Variants in TFPI observed in about 807,000 individuals in gnomAD.
TFPI encodes the protein tissue factor pathway inhibitor.
Under a neutral mutation model 34.6 loss-of-function variants are expected in TFPI, and 15 were observed. The ratio of observed to expected loss-of-function variants is 0.43; its 90% CI spans 0.29 to 0.67. The LOEUF (loss-of-function observed/expected upper bound fraction) is 0.67. TFPI is among the 30% of genes least tolerant of loss of function. The pLI is 0.15. For synonymous variants in TFPI, 105 were observed against 120.1 expected, an observed-to-expected ratio of 0.87 and a Z score of 0.82; for missense variants, 301 against 364.0, an observed-to-expected ratio of 0.83 and a Z score of 1.41.
chr2:187,506,306 T>C (rs551093910), intron 1 of TFPI, among the ~76,000 whole-genome samples: 3 of 152,190 alleles, frequency 2.0e-5, no homozygotes, highest in South Asian at 4.1e-4. Context: ...AATAGAAACA[T>C]CTTCTTTTAA....
intron 1 of TFPI, among the ~76,000 whole-genome samples, chr2:187,550,751 G>A (rs1689067082): frequency 6.6e-6 from 1 of 152,076 alleles, no homozygotes; most frequent in South Asian, 2.1e-4. Flanking sequence ...CATTTTCTGA[G>A]ATGAAAATTA....
intron 6 of TFPI, among the ~76,000 whole-genome samples, chr2:187,479,048 A>G (rs1356864184): frequency 6.6e-6 from 1 of 152,158 alleles, no homozygotes; most frequent in Non-Finnish European, 1.5e-5. Flanking sequence ...TGGTAGTGAA[A>G]AGGCAGATTG....
chr2:187,476,909 G>A (rs1167064318), intron 6 of TFPI, among the ~76,000 whole-genome samples: 1 of 151,870 alleles, frequency 6.6e-6, no homozygotes, highest in African/African-American at 2.4e-5. Flanking sequence ...ACAATTTTTG[G>A]TTTATAGTTG....
intron 2 of TFPI, among the ~76,000 whole-genome samples, chr2:187,499,823 C>T (rs192090553): frequency 2.5e-4 from 38 of 152,082 alleles, no homozygotes; most frequent in African/African-American, 9.2e-4. Flanking sequence ...GTTATTCATT[C>T]CCAAGTTAAC....
At chr2:187,490,946 C>G (rs1685084482) in intron 3 of TFPI, among the ~76,000 whole-genome samples, 1 of 151,610 alleles carries the variant, frequency 6.6e-6, no homozygotes, top group African/African-American at 2.4e-5. Flanking sequence ...CCATTACAGT[C>G]TAGTGCCAAG....
chr2:187,502,780 C>G (rs932316134), intron 2 of TFPI, among the ~76,000 whole-genome samples: 4 of 152,134 alleles, frequency 2.6e-5, no homozygotes, highest in African/African-American at 9.7e-5. Flanking sequence ...CTCAGCCATA[C>G]CTGTTTCTCT....
chr2:187,472,244 T>C (rs1220723154), intron 6 of TFPI, among the ~76,000 whole-genome samples: 1 of 152,168 alleles, frequency 6.6e-6, no homozygotes. Context: ...CTCTTTTTAA[T>C]GTAGGTACAG....
intron 1 of TFPI, among the ~76,000 whole-genome samples, chr2:187,539,382 G>A (rs1688448664): frequency 6.6e-6 from 1 of 152,138 alleles, no homozygotes; most frequent in South Asian, 2.1e-4. Flanking sequence ...GTGAAAAAAT[G>A]AGATGGATAG....
chr2:187,488,638 A>T (rs891668321), intron 3 of TFPI, among the ~76,000 whole-genome samples: 2 of 151,474 alleles, frequency 1.3e-5, no homozygotes, highest in African/African-American at 4.8e-5. Context: ...CAAAGCTGAG[A>T]ATTCATAGTG....
chr2:187,516,659 G>A (rs1687023498), intron 1 of TFPI: 1 of 152,118 alleles, frequency 6.6e-6, no homozygotes, highest in African/African-American at 2.4e-5. Flanking sequence ...GCCCATTTCT[G>A]CCTCCAAAGA....
intron 1 of TFPI, among the ~76,000 whole-genome samples, chr2:187,521,578 C>T (rs1687374494): frequency 6.6e-6 from 1 of 151,808 alleles, no homozygotes; most frequent in Non-Finnish European, 1.5e-5. Context: ...ATTTCAATTT[C>T]TTTTTTTTGA....
intron 1 of TFPI, among the ~76,000 whole-genome samples, chr2:187,522,923 T>TAAAG (rs1687482784): frequency 6.8e-6 from 1 of 147,178 alleles, no homozygotes. Flanking sequence ...AATAAATAAA[T>TAAAG]AAATAAATAA....
intron 6 of TFPI, among the ~76,000 whole-genome samples, chr2:187,472,336 A>G (rs536071434): frequency 6.6e-5 from 10 of 152,190 alleles, no homozygotes; most frequent in Non-Finnish European, 1.3e-4. Context: ...TCAGTACCAG[A>G]CAGTGGCTCA....
chr2:187,502,056 G>C (rs1331327565), intron 2 of TFPI, among the ~76,000 whole-genome samples: 1 of 152,090 alleles, frequency 6.6e-6, no homozygotes, highest in Non-Finnish European at 1.5e-5. Context: ...TCAGATGTGA[G>C]ATAAGGTTAT....
chr2:187,519,838 GC>G (rs1362612707), intron 1 of TFPI: 2 of 152,220 alleles, frequency 1.3e-5, no homozygotes, highest in African/African-American at 4.8e-5. Context: ...TTCCAGAGAT[GC>G]CCTGCCTAGA....
At chr2:187,524,408 A>AT (rs1359949035) in intron 1 of TFPI, among the ~76,000 whole-genome samples, 1 of 151,960 alleles carries the variant, frequency 6.6e-6, no homozygotes, top group Non-Finnish European at 1.5e-5. Flanking sequence ...ACTCATCACC[A>AT]TTTATATATT....
intron 1 of TFPI, chr2:187,518,475 C>G (rs1687157002): frequency 6.6e-6 from 1 of 152,240 alleles, no homozygotes; most frequent in African/African-American, 2.4e-5. Context: ...GCCCCACTCT[C>G]TTCTGGCTTG....
rs1685441170 is a variant in TFPI at position 187,495,850 on chromosome 2, T to C, written c.319+1031A>G. On this transcript the variant is annotated intron_variant, in intron 3 of 7. Transcript: ENST00000233156. ...GCTCTACGAACATGCTATGGTAGAA[T>C]ATTGGTCTAGAAACTAGGGAAATAA... Among the ~76,000 whole-genome samples, 3 of 152,168 alleles carry C rather than the reference T, an allele frequency of 2.0e-5. No homozygotes were observed. In the South Asian group the frequency reaches 6.2e-4, roughly 31 times the overall value.
At chr2:187,540,238 G>T (rs2106298362) in intron 1 of TFPI, among the ~76,000 whole-genome samples, 1 of 152,132 alleles carries the variant, frequency 6.6e-6, no homozygotes, top group Middle Eastern at 3.4e-3. Context: ...AACTATTTGA[G>T]CTTGATCCTA....
Sources: gnomAD v4.1 joint callset for allele counts (sites outside exome capture counted in the v4.1 genomes callset) on GRCh38, gnomAD v4.1.1 for gene constraint, MANE v1.5 for transcripts, NCBI Gene and HGNC (gene_info 2026-07-23, HGNC 2026-07-21) for gene names.